NME7: variants seen among roughly 807,000 people sequenced by gnomAD.
The protein encoded by NME7 is nucleoside diphosphate kinase 7.
NME7 carries 41 observed loss-of-function variants against 49.1 expected under a neutral mutation model. The observed-to-expected ratio is 0.83, with a 90% CI of 0.65 to 1.08. The LOEUF (loss-of-function observed/expected upper bound fraction) is 1.08, where lower values mean the gene tolerates loss of function less well. Ranked by LOEUF, NME7 falls within the 50% of genes least tolerant of loss-of-function variation. NME7 has a pLI of 0.00. For synonymous variants in NME7, 139 were observed against 150.6 expected (o/e 0.92, Z 0.56); for missense variants, 423 against 463.4 (o/e 0.91, Z 0.80).
chr1:169,179,492 T>TC (rs1258682026), intron 10 of NME7, among the ~76,000 whole-genome samples: 1 of 152,172 alleles, frequency 6.6e-6, no homozygotes, highest in African/African-American at 2.4e-5. Flanking sequence ...TGTTCTATTA[T>TC]AAAGACATAT....
intron 1 of NME7, among the ~76,000 whole-genome samples, chr1:169,362,463 C>T (rs16862097): frequency 0.074 from 11,338 of 152,190 alleles, 1,536 homozygotes; most frequent in East Asian, 0.67. Flanking sequence ...GTCCAGCATA[C>T]GCTTCATCTT....
chr1:169,150,573 T>C (rs1275022924), intron 11 of NME7, among the ~76,000 whole-genome samples: 1 of 152,166 alleles, frequency 6.6e-6, no homozygotes, highest in African/African-American at 2.4e-5. Context: ...TTTTATTTGT[T>C]TTTAATAAAC....
chr1:169,298,812 G>A (rs1286566780), intron 5 of NME7, 49 bp from the exon 6 acceptor site: 4 of 1,449,632 alleles, frequency 2.8e-6, no homozygotes, highest in Non-Finnish European at 3.9e-6. Context: ...TGTCAACTAG[G>A]TATTTGTCTT....
At chr1:169,264,441 C>T (rs1649256654) in intron 7 of NME7, among the ~76,000 whole-genome samples, 1 of 133,566 alleles carries the variant, frequency 7.5e-6, no homozygotes, top group Non-Finnish European at 1.8e-5. Flanking sequence ...GCAGGAGTTG[C>T]AAGCCTAATT....
intron 1 of NME7, among the ~76,000 whole-genome samples, chr1:169,360,323 A>G (rs1217445642): frequency 6.6e-6 from 1 of 152,228 alleles, no homozygotes; most frequent in African/African-American, 2.4e-5. Context: ...AATATTTCCC[A>G]AAGCTTATAA....
rs934874247 is a variant in NME7, at chr1:169,264,496, A to G, written c.754+22807T>C. 4.5e-5 allele frequency among the ~76,000 whole-genome samples: 6 copies of G among 134,146 alleles called. 2 individuals are homozygous for G. The highest frequency in any genetic ancestry group is 1.1e-4 in the Non-Finnish European group (6 of 57,024). 88.0% of individuals were successfully genotyped at this position (134,146 alleles called of 152,430 possible). On this transcript the variant is annotated intron_variant, in intron 7 of 11. Transcript: ENST00000367811. The stretch of plus-strand genomic sequence containing the variant: ...AGCCAAATAGATTTTTAAAAGCCAG[A>G]GAATGACATTACATAATGGTAAAGG...
intron 7 of NME7, among the ~76,000 whole-genome samples, chr1:169,272,492 G>A (rs1175921387): frequency 1.8e-5 from 2 of 109,754 alleles, no homozygotes; most frequent in African/African-American, 6.2e-5. Context: ...CCCTGACCAT[G>A]TGTCCATGTA....
intron 11 of NME7, among the ~76,000 whole-genome samples, chr1:169,144,020 T>G (rs1417077345): frequency 3.9e-5 from 6 of 152,230 alleles, no homozygotes; most frequent in African/African-American, 1.4e-4. Context: ...AATTTCAAAC[T>G]CCTAAATTTG....
intron 11 of NME7, among the ~76,000 whole-genome samples, chr1:169,151,316 A>C (rs925738771): frequency 6.6e-6 from 1 of 152,118 alleles, no homozygotes; most frequent in East Asian, 1.9e-4. Flanking sequence ...TGATGAAATG[A>C]GTGAAGTGGC....
intron 3 of NME7, among the ~76,000 whole-genome samples, chr1:169,316,316 G>A (rs1651625282): frequency 6.6e-6 from 1 of 152,152 alleles, no homozygotes; most frequent in African/African-American, 2.4e-5. Context: ...CTTGTTGTAT[G>A]AGTTGGGAGA....
Position 169,258,097 on chromosome 1 carries a change from A to T in NME7, c.755-20410T>A, listed in dbSNP as rs111805132. On this transcript the variant is annotated intron_variant, in intron 7 of 11. Coordinates refer to ENST00000367811, the MANE Select transcript of NME7 (RefSeq NM_013330.5). The stretch of plus-strand genomic sequence containing the variant: ...TCATACCTATAATTCCAACACTTTG[A>T]GGGGCCAAGTCAGGAGGACTCCTTG... 7.2e-3 allele frequency among the ~76,000 whole-genome samples: 953 copies of T among 131,960 alleles called. 111 individuals are homozygous for T. The highest frequency in any genetic ancestry group is 0.023 in the African/African-American group (913 of 39,090). 86.6% of individuals were successfully genotyped at this position (131,960 alleles called of 152,430 possible).
rs142949986 is a variant in NME7, at chr1:169,185,414, A to G, written c.991-15860T>C. On this transcript the variant is annotated intron_variant, in intron 10 of 11. Coordinates refer to ENST00000367811, the MANE Select transcript of NME7 (RefSeq NM_013330.5). The stretch of plus-strand genomic sequence containing the variant: ...ATTTGTCATAACAGTAAACCTCTTT[A>G]CAAAACTTCCATTGAGTCCTGTGTA... Among the ~76,000 whole-genome samples, 103 of 152,332 alleles carry G rather than the reference A, an allele frequency of 6.8e-4. 1 individual carries two copies. The East Asian group carries it at 0.019, about 28-fold the overall frequency.
intron 7 of NME7, among the ~76,000 whole-genome samples, chr1:169,241,657 A>C (rs1648092375): frequency 6.6e-6 from 1 of 151,788 alleles, no homozygotes; most frequent in South Asian, 2.1e-4. Flanking sequence ...TTTAAGTTCT[A>C]AATAATAAAA....
In NME7 at chr1:169,303,195, C is replaced by A; in HGVS notation, c.390G>T (p.Arg130Ser). 6.6e-7 allele frequency: 1 copy of A among 1,515,176 alleles called. No individual in the cohort carries two copies. The highest frequency in any genetic ancestry group is 9.0e-7 in the Non-Finnish European group (1 of 1,114,128). The allele number at this position is 1,515,176 out of a possible 1,614,324, so 93.9% of individuals were successfully genotyped here. ...ITKLKMMMLS[R>S]KEALDFHVDH... ...CTACATGAAAATCCAATGCTTCTTT[C>A]CTATAAAATAATCAAAAAGGCAATA... Residue 130 changes from arginine to serine, a missense_variant and splice_region_variant, in exon 5 of 12, where the codon AGG becomes AGT. Transcript: ENST00000367811.
At chr1:169,260,466 T>A (rs1388097932) in intron 7 of NME7, among the ~76,000 whole-genome samples, 2 of 132,802 alleles carry the variant, frequency 1.5e-5, no homozygotes, top group African/African-American at 5.1e-5. Context: ...TCTTATAAAA[T>A]GAGATCATGC....
intron 4 of NME7, among the ~76,000 whole-genome samples, chr1:169,305,040 T>C (rs1023125995): frequency 1.3e-5 from 2 of 152,162 alleles, no homozygotes; most frequent in Non-Finnish European, 1.5e-5. Context: ...TTTAACGTCA[T>C]TGAAAAGAAA....
intron 7 of NME7, among the ~76,000 whole-genome samples, chr1:169,262,230 T>C (rs973598132): frequency 3.8e-5 from 5 of 132,616 alleles, no homozygotes; most frequent in South Asian, 2.3e-4. Context: ...ATGGAAAGAG[T>C]CTTTTGAGAA....
intron 10 of NME7, among the ~76,000 whole-genome samples, chr1:169,205,610 G>T (rs1221032231): frequency 1.3e-5 from 2 of 152,054 alleles, no homozygotes; most frequent in Non-Finnish European, 1.5e-5. Context: ...AATCTCAGGC[G>T]GCCTGGCTCT....
intron 1 of NME7, among the ~76,000 whole-genome samples, chr1:169,325,679 GTTC>G (rs1313064397): frequency 6.6e-6 from 1 of 152,072 alleles, no homozygotes; most frequent in African/African-American, 2.4e-5. Flanking sequence ...AAATTTGGGG[GTTC>G]TTTTTAAGTT....
Sources: gnomAD v4.1 joint callset for allele counts (sites outside exome capture counted in the v4.1 genomes callset) on GRCh38, gnomAD v4.1.1 for gene constraint, MANE v1.5 for transcripts, NCBI Gene and HGNC (gene_info 2026-07-23, HGNC 2026-07-21) for gene names.